The following TADA1 variants were observed in gnomAD, a reference collection of about 807,000 sequenced individuals.
The protein encoded by TADA1 is transcriptional adaptor 1.
In TADA1, 23 loss-of-function variants were observed where a neutral mutation model predicts 39.3. The ratio of observed to expected loss-of-function variants is 0.58; its 90% CI spans 0.42 to 0.83. The LOEUF is 0.83. Ranked by LOEUF, TADA1 falls within the 40% of genes least tolerant of loss-of-function variation. The probability of loss-of-function intolerance (pLI) is 0.00; values close to 1 mark genes in which losing one functional copy is unlikely to be tolerated. For missense variants in TADA1, 352 were observed against 408.1 expected (o/e 0.86, Z 1.18); for synonymous variants, 137 against 151.8 (o/e 0.90, Z 0.72).
chr1:166,874,834 T>C (rs1218141437), intron 1 of TADA1, among the ~76,000 whole-genome samples: 1 of 152,214 alleles, frequency 6.6e-6, no homozygotes, highest in Non-Finnish European at 1.5e-5. Flanking sequence ...TCACCAAAAA[T>C]TAAATAATTA....
At chr1:166,862,070 A>G in intron 5 of TADA1, 133 bp downstream of exon 5, 1 of 950,928 alleles carries the variant, frequency 1.1e-6, no homozygotes, top group South Asian at 1.7e-5. Context: ...AAAAACAGAA[A>G]ACAACTTCAA....
chr1:166,873,743 G>A (rs1219666529), intron 1 of TADA1, among the ~76,000 whole-genome samples: 5 of 152,160 alleles, frequency 3.3e-5, no homozygotes, highest in African/African-American at 1.2e-4. Flanking sequence ...TTGCATTTTA[G>A]TGGGGATTCA....
At chr1:166,873,725 T>C (rs933573060) in intron 1 of TADA1, among the ~76,000 whole-genome samples, 4 of 152,208 alleles carry the variant, frequency 2.6e-5, no homozygotes, top group Non-Finnish European at 5.9e-5. Flanking sequence ...CATAAAAATC[T>C]CTTTTGATTG....
chr1:166,869,917 T>C (rs906058879), intron 1 of TADA1, 63 bp from the exon 2 acceptor site: 1 of 1,437,876 alleles, frequency 7.0e-7, no homozygotes, highest in Non-Finnish European at 9.7e-7. Flanking sequence ...TTTTTGTTTG[T>C]TTTGTTTTTT....
chr1:166,874,554 TGCGGGAG>T (rs1658724372), intron 1 of TADA1, among the ~76,000 whole-genome samples: 1 of 151,886 alleles, frequency 6.6e-6, no homozygotes, highest in Non-Finnish European at 1.5e-5. Context: ...GGGAGGCCAA[TGCGGGAG>T]GACTGCTTGA....
chr1:166,859,227 C>G (rs4657608), intron 6 of TADA1, among the ~76,000 whole-genome samples: 1 of 151,866 alleles, frequency 6.6e-6, no homozygotes, highest in African/African-American at 2.4e-5. Flanking sequence ...ATCAACACTC[C>G]CTCTATCCAA....
intron 3 of TADA1, 50 bp from the exon 4 acceptor site, chr1:166,863,971 ACTG>A (rs1658473414): frequency 6.9e-7 from 1 of 1,446,606 alleles, no homozygotes; most frequent in Non-Finnish European, 9.4e-7. Context: ...ACAACTGATA[ACTG>A]CTAAGTTTGT....
intron 2 of TADA1, 101 bp downstream of exon 2, chr1:166,869,662 C>A: frequency 1.4e-6 from 2 of 1,454,562 alleles, no homozygotes; most frequent in East Asian, 2.3e-5. Context: ...ACCTTATACA[C>A]CACAAAACCA....
Position 166,869,776 on chromosome 1 carries a change from G to T in TADA1, c.153C>A (p.Leu51=). 6.2e-7 allele frequency: 1 copy of T among 1,613,072 alleles called. No homozygotes were observed. The highest frequency in any genetic ancestry group is 8.5e-7 in the Non-Finnish European group (1 of 1,179,184). Residue 51 remains leucine, a synonymous_variant, in exon 2 of 8, where the codon CTC becomes CTA. Coordinates refer to ENST00000367874, the MANE Select transcript of TADA1 (RefSeq NM_053053.4). ...EEFDLEAHRL[L]TQDNVHSHND... is the part of the protein sequence containing the mutation. Reference sequence around the variant, plus strand: ...TAATTATTTTACCATTATCCTGTGTGAGAAGTCTATGAGCTTCAAGGTCAA... The same window carrying T: ...TAATTATTTTACCATTATCCTGTGTTAGAAGTCTATGAGCTTCAAGGTCAA...
At chr1:166,872,195 G>A (rs572203507) in intron 1 of TADA1, among the ~76,000 whole-genome samples, 121 of 152,324 alleles carry the variant, frequency 7.9e-4, no homozygotes, top group South Asian at 1.9e-3. Context: ...AATGGTGGAG[G>A]TGGAGCCTAA....
At chr1:166,875,773 G>A (rs1057041532) in intron 1 of TADA1, among the ~76,000 whole-genome samples, 1 of 152,176 alleles carries the variant, frequency 6.6e-6, no homozygotes, top group Non-Finnish European at 1.5e-5. Flanking sequence ...GCCGCCCTGC[G>A]CTATGCCCTC....
intron 3 of TADA1, 48 bp from the exon 4 acceptor site, chr1:166,863,969 T>C: frequency 6.9e-7 from 1 of 1,456,534 alleles, no homozygotes. Context: ...TGACAACTGA[T>C]AACTGCTAAG....
Position 166,862,200 on chromosome 1 carries a change from A to C in TADA1, c.540+3T>G. 6.2e-7 allele frequency: 1 copy of C among 1,613,022 alleles called. No individual in the cohort carries two copies. The highest frequency in any genetic ancestry group is 1.3e-5 in the African/African-American group (1 of 75,002). Reference sequence around the variant, plus strand: ...AGATTATTTCTGCCAACAGCAAACCAACCTCCACAGCATAGACAACAGCTG... The same window carrying C: ...AGATTATTTCTGCCAACAGCAAACCCACCTCCACAGCATAGACAACAGCTG... On this transcript the variant is annotated splice_donor_region_variant and intron_variant, in intron 5 of 7. Coordinates refer to ENST00000367874, the MANE Select transcript of TADA1 (RefSeq NM_053053.4).
intron 6 of TADA1, among the ~76,000 whole-genome samples, chr1:166,858,996 C>T (rs1177185402): frequency 1.3e-5 from 2 of 152,218 alleles, no homozygotes; most frequent in African/African-American, 4.8e-5. Context: ...GAAGCTGCTC[C>T]CAACATCACC....
At position 166,876,259 on chromosome 1, in the gene TADA1, C is replaced by T. The variant is rs764917280; in HGVS notation, c.-26G>A. 1 of 1,607,730 alleles carries T rather than the reference C, an allele frequency of 6.2e-7. No individual in the cohort carries two copies. Among genetic ancestry groups the T allele is most frequent in the African/African-American group, 1.3e-5 (1 of 74,352 alleles). ...TGCTCCGCGTGTCTCAGCCCGACCGCAGACCGCCCGGCCACCGCGATCAAC... is the reference window on the plus strand; with the variant it reads ...TGCTCCGCGTGTCTCAGCCCGACCGTAGACCGCCCGGCCACCGCGATCAAC... On this transcript the variant is annotated 5_prime_UTR_variant, in exon 1 of 8. Coordinates refer to ENST00000367874, the MANE Select transcript of TADA1 (RefSeq NM_053053.4).
At chr1:166,874,445 T>G (rs1658722277) in intron 1 of TADA1, among the ~76,000 whole-genome samples, 1 of 152,082 alleles carries the variant, frequency 6.6e-6, no homozygotes, top group African/African-American at 2.4e-5. Flanking sequence ...GTAAGAATAT[T>G]TAATTCAATA....
chr1:166,857,844 G>C, intron 7 of TADA1, 125 bp from the exon 8 acceptor site: 1 of 1,093,408 alleles, frequency 9.1e-7, no homozygotes, highest in Non-Finnish European at 1.3e-6. Flanking sequence ...ACACTAAAAT[G>C]AATCACCAAT....
chr1:166,857,810 C>A (rs1345573093), intron 7 of TADA1, 91 bp from the exon 8 acceptor site: 10 of 1,378,434 alleles, frequency 7.3e-6, no homozygotes, highest in African/African-American at 1.5e-5. Flanking sequence ...AAAACATACA[C>A]ACAATCTATA....
At chr1:166,874,480 A>G (rs986668273) in intron 1 of TADA1, among the ~76,000 whole-genome samples, 1 of 152,146 alleles carries the variant, frequency 6.6e-6, no homozygotes, top group Non-Finnish European at 1.5e-5. Flanking sequence ...CAATATCGAA[A>G]GACAATTTTC....
Sources: gnomAD v4.1 joint callset for allele counts (sites outside exome capture counted in the v4.1 genomes callset) on GRCh38, gnomAD v4.1.1 for gene constraint, MANE v1.5 for transcripts, NCBI Gene and HGNC (gene_info 2026-07-23, HGNC 2026-07-21) for gene names.